The following KIF26B variants were observed in gnomAD, a reference collection of about 807,000 sequenced individuals.
The protein encoded by KIF26B is kinesin family member 26B.
KIF26B carries 63 observed loss-of-function variants against 151.2 expected under a neutral mutation model. That is an observed-to-expected ratio of 0.42 (90% CI 0.34 to 0.51). The LOEUF is 0.51. KIF26B is among the 20% of genes least tolerant of loss of function. The probability of loss-of-function intolerance (pLI) is 0.07; values close to 1 mark genes in which losing one functional copy is unlikely to be tolerated. For missense variants in KIF26B, 2,813 were observed against 2,913.6 expected (o/e 0.97, Z 0.79); for synonymous variants, 1,357 against 1,262.1 (o/e 1.08, Z -1.59).
At chr1:245,298,290 A>C (rs1671371452) in intron 2 of KIF26B, among the ~76,000 whole-genome samples, 1 of 152,064 alleles carries the variant, frequency 6.6e-6, no homozygotes, top group South Asian at 2.1e-4. Context: ...GAAGAGATAA[A>C]CAAAATGTGG....
chr1:245,193,515 C>G (rs890321199), intron 2 of KIF26B, among the ~76,000 whole-genome samples: 2 of 151,570 alleles, frequency 1.3e-5, no homozygotes, highest in African/African-American at 4.9e-5. Flanking sequence ...TTTTAAATAA[C>G]CTTTTTTCAA....
At chr1:245,386,573 C>G (rs1673551344) in intron 3 of KIF26B, among the ~76,000 whole-genome samples, 1 of 152,170 alleles carries the variant, frequency 6.6e-6, no homozygotes, top group Non-Finnish European at 1.5e-5. Context: ...TTGCCTCCCC[C>G]TCACTCACAC....
chr1:245,420,499 C>T (rs564615062), intron 4 of KIF26B, among the ~76,000 whole-genome samples: 1 of 152,322 alleles, frequency 6.6e-6, no homozygotes, highest in South Asian at 2.1e-4. Flanking sequence ...GATTGCTCTA[C>T]ATTTTTCTGT....
Position 245,367,342 on chromosome 1 carries a change from A to C in KIF26B, c.974A>C (p.Asn325Thr), listed in dbSNP as rs1229507139. The C allele has an allele frequency of 6.3e-7, 1 of 1,593,692 alleles. No individual in the cohort carries two copies. The highest frequency in any genetic ancestry group is 1.7e-4 in the Middle Eastern group (1 of 6,042). Residue 325 changes from asparagine (N) to threonine (T), a missense_variant, in exon 3 of 15, where the codon AAC (asparagine) becomes ACC (threonine). Asn to Thr is a moderately conservative substitution (Grantham distance 65). Coordinates refer to ENST00000407071, the MANE Select transcript of KIF26B (RefSeq NM_018012.4). The surrounding 1 kb of genome is among the most constrained non-coding windows in gnomAD (Gnocchi z 4.2). The stretch of plus-strand genomic sequence containing the variant: ...GGCACCTGGTCCCTGTCGAGAACCA[A>C]CGGGGTCACCCTGTACCCATACCAG... ...LDGTWSLSRTNGVTLYPYQIS... is the reference protein window; with the variant it reads ...LDGTWSLSRTTGVTLYPYQIS...
intron 2 of KIF26B, among the ~76,000 whole-genome samples, chr1:245,362,111 CG>C (rs1351300532): frequency 2.7e-5 from 4 of 148,928 alleles, no homozygotes; most frequent in African/African-American, 9.9e-5. Flanking sequence ...GAGAGTCTCG[CG>C]GTGAGAAATA....
chr1:245,549,143 G>A (rs1251393279), intron 5 of KIF26B, among the ~76,000 whole-genome samples: 1 of 152,178 alleles, frequency 6.6e-6, no homozygotes, highest in East Asian at 1.9e-4. Context: ...GTGTGTAAGT[G>A]TGTAGGAGGA....
At chr1:245,403,853 C>T (rs914746105) in intron 3 of KIF26B, among the ~76,000 whole-genome samples, 4 of 152,186 alleles carry the variant, frequency 2.6e-5, no homozygotes, top group African/African-American at 9.7e-5. Flanking sequence ...ATTTCCTGCC[C>T]TCATGGAACT....
At chr1:245,385,626 C>T (rs1312454050) in intron 3 of KIF26B, among the ~76,000 whole-genome samples, 2 of 152,144 alleles carry the variant, frequency 1.3e-5, no homozygotes, top group East Asian at 1.9e-4. Flanking sequence ...ATGGTATTTT[C>T]GGGAGCTGGG....
At chr1:245,252,407 A>G (rs1670461346) in intron 2 of KIF26B, among the ~76,000 whole-genome samples, 1 of 152,044 alleles carries the variant, frequency 6.6e-6, no homozygotes. Flanking sequence ...AGACATTAAC[A>G]TGTTTTGTTG....
chr1:245,307,732 C>CAA lies in KIF26B; in HGVS notation c.466-59102_466-59101insAA, dbSNP rs1378649402. 3.4e-3 allele frequency among the ~76,000 whole-genome samples: 476 copies of CAA among 139,360 alleles called. 1 individual carries two copies. The highest frequency in any genetic ancestry group is 0.012 in the African/African-American group (452 of 37,214). 91.4% of individuals were successfully genotyped at this position (139,360 alleles called of 152,430 possible). A position where few individuals can be genotyped will look rare whatever the true frequency, so the allele number is the denominator to read the frequency against. ...AGCCACAATTATCTCTACCAGGAAT[C>CAA]TCTCTCTCTCTTTTTTTTTTTTTTT... On this transcript the variant is annotated intron_variant, in intron 2 of 14. Coordinates refer to ENST00000407071, the MANE Select transcript of KIF26B (RefSeq NM_018012.4).
At chr1:245,279,818 A>T (rs1211899338) in intron 2 of KIF26B, among the ~76,000 whole-genome samples, 5 of 151,760 alleles carry the variant, frequency 3.3e-5, no homozygotes, top group Non-Finnish European at 7.4e-5. Context: ...CAAAGTTAGT[A>T]CTCATATACA....
In KIF26B at chr1:245,367,385, G is replaced by A. The variant is rs1424271236; in HGVS notation, c.999+18G>A. 1.3e-6 allele frequency: 2 copies of A among 1,566,058 alleles called. No individual in the cohort carries two copies. Among genetic ancestry groups the A allele is most frequent in the Non-Finnish European group, 8.7e-7 (1 of 1,153,950 alleles). ...CATACCAGGTAAGTAGCCTGTGTGA[G>A]CCAGGAAGAGCAGGGCTGGCTGGAG... On this transcript the variant is annotated intron_variant, in intron 3 of 14. Coordinates refer to ENST00000407071, the MANE Select transcript of KIF26B (RefSeq NM_018012.4). The surrounding 1 kb of genome is among the most constrained non-coding windows in gnomAD (Gnocchi z 4.2).
intron 2 of KIF26B, among the ~76,000 whole-genome samples, chr1:245,230,505 G>A (rs1573722170): frequency 1.3e-5 from 2 of 152,214 alleles, no homozygotes; most frequent in South Asian, 4.1e-4. Flanking sequence ...CACTTTGGGA[G>A]GCCGAGGCGG....
chr1:245,174,456 C>T (rs6691164), intron 2 of KIF26B, among the ~76,000 whole-genome samples: 7 of 152,108 alleles, frequency 4.6e-5, no homozygotes, highest in Admixed American at 4.6e-4. Flanking sequence ...ACAGAGAGAC[C>T]AAGAAACTCT....
intron 2 of KIF26B, among the ~76,000 whole-genome samples, chr1:245,348,398 C>T (rs1226149011): frequency 1.3e-5 from 2 of 152,206 alleles, no homozygotes; most frequent in African/African-American, 4.8e-5. Flanking sequence ...AAAAACACCA[C>T]AGTCTGGGTG....
At chr1:245,222,266 G>A (rs1218686948) in intron 2 of KIF26B, among the ~76,000 whole-genome samples, 5 of 152,024 alleles carry the variant, frequency 3.3e-5, no homozygotes, top group African/African-American at 9.7e-5. Flanking sequence ...GTAAAACCCC[G>A]TCTCTACTAA....
At chr1:245,489,524 A>T (rs538509683) in intron 4 of KIF26B, among the ~76,000 whole-genome samples, 60 of 152,380 alleles carry the variant, frequency 3.9e-4, no homozygotes, top group African/African-American at 1.4e-3. Flanking sequence ...TTCTCCAGAC[A>T]TTCAGATATA....
chr1:245,533,560 C>T (rs1167230739), intron 4 of KIF26B, among the ~76,000 whole-genome samples: 1 of 152,024 alleles, frequency 6.6e-6, no homozygotes, highest in Non-Finnish European at 1.5e-5. Flanking sequence ...TAAAAATTAC[C>T]ATATTGCCTG....
At chr1:245,649,394 C>CGAAAT (rs1306166945) in intron 10 of KIF26B, among the ~76,000 whole-genome samples, 1 of 152,134 alleles carries the variant, frequency 6.6e-6, no homozygotes, top group African/African-American at 2.4e-5. Flanking sequence ...ATCAAGCTCC[C>CGAAAT]GAAATGTCGG....
Sources: gnomAD v4.1 joint callset for allele counts (sites outside exome capture counted in the v4.1 genomes callset) on GRCh38, gnomAD v4.1.1 for gene constraint, Gnocchi (gnomAD v3.1) non-coding constraint, MANE v1.5 for transcripts, NCBI Gene and HGNC (gene_info 2026-07-23, HGNC 2026-07-21) for gene names.